The following MYO7B variants were observed in gnomAD, a reference collection of about 807,000 sequenced individuals.
MYO7B encodes myosin VIIB.
Under a neutral mutation model 259.7 loss-of-function variants are expected in MYO7B, and 212 were observed. The ratio of observed to expected loss-of-function variants is 0.82; its 90% confidence interval spans 0.73 to 0.91. The LOEUF (loss-of-function observed/expected upper bound fraction) is 0.91. Ranked by LOEUF, MYO7B falls within the 40% of genes least tolerant of loss-of-function variation. The pLI, the probability that MYO7B is intolerant of heterozygous loss-of-function variation, is 0.00. For synonymous variants in MYO7B, 1,197 were observed against 1,166.4 expected (o/e 1.03, Z -0.54); for missense variants, 2,732 against 2,813.5 (o/e 0.97, Z 0.66).
Position 127,631,426 on chromosome 2 carries a change from C to T in MYO7B, c.5095+63C>T, listed in dbSNP as rs1681502019. ...GCCAGGGCAGAGGCACCCAGCACAT[C>T]CTGGCCCTACAGCTGTGCTCTAGGG... On this transcript the variant is annotated intron_variant, in intron 37 of 47. Coordinates refer to ENST00000409816, the MANE Select transcript of MYO7B (RefSeq NM_001393586.1). 8.3e-6 allele frequency: 13 copies of T among 1,568,626 alleles called. No individual in the cohort carries two copies. The South Asian group carries it at 1.4e-4, about 17-fold the overall frequency.
At position 127,631,640 on chromosome 2, in the gene MYO7B, C is replaced by T; in HGVS notation, c.5136C>T (p.Ala1712=). 6.2e-7 allele frequency: 1 copy of T among 1,613,140 alleles called. No homozygotes were observed. Among genetic ancestry groups the T allele is most frequent in the South Asian group, 1.1e-5 (1 of 91,090 alleles). ...RYMGDYPSRQ[A]WPTLELTDQI... ...TGGGCGACTACCCTTCTCGGCAGGCCTGGCCCACCCTGGAGCTCACCGACC... is the reference window on the plus strand; with the variant it reads ...TGGGCGACTACCCTTCTCGGCAGGCTTGGCCCACCCTGGAGCTCACCGACC... The change falls in exon 38 of 48, where the codon GCC becomes GCT. Residue 1712 remains alanine (A), a synonymous_variant. Coordinates refer to ENST00000409816, the MANE Select transcript of MYO7B (RefSeq NM_001393586.1).
intron 43 of MYO7B, 134 bp downstream of exon 43, chr2:127,635,360 C>A: frequency 2.4e-6 from 2 of 845,076 alleles, no homozygotes; most frequent in Non-Finnish European, 3.7e-6. Context: ...GTAGGCAGAC[C>A]AAGCCCCTGA....
chr2:127,580,551 C>A (rs1003773706), intron 9 of MYO7B, among the ~76,000 whole-genome samples, 195 bp from the exon 10 acceptor site: 1 of 152,222 alleles, frequency 6.6e-6, no homozygotes, highest in African/African-American at 2.4e-5. Context: ...TCATCAACAG[C>A]TAAGGTGTGA....
intron 3 of MYO7B, among the ~76,000 whole-genome samples, 186 bp downstream of exon 3, chr2:127,564,452 G>A (rs1056443520): frequency 9.2e-5 from 14 of 152,314 alleles, no homozygotes; most frequent in African/African-American, 1.7e-4. Flanking sequence ...CCTGGGGAAC[G>A]TTTCAAGAAG....
In MYO7B at chr2:127,612,473, A is replaced by G. The variant is rs1209184325; in HGVS notation, c.3271-3A>G. The stretch of plus-strand genomic sequence containing the variant: ...GTCCTGATGGCTGCCTTTGGGTTTC[A>G]AGGTGGCCAGCCAGCTGAACATTGG... On this transcript the variant is annotated splice_polypyrimidine_tract_variant and splice_region_variant and intron_variant, in intron 25 of 47. Transcript: ENST00000409816. The G allele has an allele frequency of 6.4e-7, 1 of 1,552,662 alleles. No individual in the cohort carries two copies. Among genetic ancestry groups the G allele is most frequent in the East Asian group, 2.4e-5 (1 of 40,960 alleles).
rs778030268 is a variant in MYO7B, at chr2:127,635,770, G to A, written c.5869G>A (p.Ala1957Thr). Residue 1957 changes from alanine (A) to threonine (T), a missense_variant, in exon 44 of 48, where the codon GCC becomes ACC. By Grantham distance (58) the Ala-to-Thr change is moderately conservative. This residue lies in a region of MYO7B where 821 missense variants were observed against 769.3 expected (regional missense o/e 1.07). Coordinates refer to ENST00000409816, the MANE Select transcript of MYO7B (RefSeq NM_001393586.1). ...RGFHKCSRED[A>T]IHLAGLIYKA... ...ATTCCACAAGTGTTCGCGGGAGGAT[G>A]CCATCCACCTGGCGGGCCTCATCTA... 7 of 1,601,618 alleles carry A rather than the reference G, an allele frequency of 4.4e-6. No individual in the cohort carries two copies. The highest frequency in any genetic ancestry group is 4.0e-5 in the African/African-American group (3 of 74,616).
chr2:127,588,841 G>T (rs1454135771), intron 15 of MYO7B, among the ~76,000 whole-genome samples: 5 of 150,332 alleles, frequency 3.3e-5, no homozygotes, highest in Admixed American at 3.3e-4. Context: ...ATGGGTGGAT[G>T]GGTGTGTGAG....
Position 127,636,404 on chromosome 2 carries a change from G to C in MYO7B, c.6123+80G>C. On this transcript the variant is annotated intron_variant, in intron 45 of 47. Transcript: ENST00000409816. This position sits in a 1 kb window ranked among gnomAD's most constrained non-coding sequence, Gnocchi z 4.5. Reference sequence around the variant, plus strand: ...GCCCCAGCAGGCCCAGCGTCAACCAGCACACATCTTGGGTGGGGCTGGCCG... The same window carrying C: ...GCCCCAGCAGGCCCAGCGTCAACCACCACACATCTTGGGTGGGGCTGGCCG... The C allele has an allele frequency of 2.0e-6, 3 of 1,474,088 alleles. No homozygotes were observed. Among genetic ancestry groups the C allele is most frequent in the Non-Finnish European group, 2.8e-6 (3 of 1,059,550 alleles). 91.3% of individuals were successfully genotyped at this position (1,474,088 alleles called of 1,614,324 possible).
intron 2 of MYO7B, 150 bp from the exon 3 acceptor site, chr2:127,564,002 AT>A (rs1678213920): frequency 5.3e-6 from 3 of 567,872 alleles, no homozygotes; most frequent in Non-Finnish European, 6.3e-6. Context: ...AGAAAGAGAG[AT>A]GGGAGAGGGG....
At chr2:127,545,427 C>T (rs981393841) in intron 1 of MYO7B, among the ~76,000 whole-genome samples, 1 of 152,172 alleles carries the variant, frequency 6.6e-6, no homozygotes, top group Non-Finnish European at 1.5e-5. Flanking sequence ...GGTGAGCAGC[C>T]GCATGCTGGG....
intron 26 of MYO7B, among the ~76,000 whole-genome samples, chr2:127,618,043 C>CTCTCTATTTG (rs1301877625): frequency 3.9e-5 from 6 of 151,976 alleles, no homozygotes; most frequent in Middle Eastern, 3.4e-3. Flanking sequence ...TTCCCTAGCT[C>CTCTCTATTTG]TCTCTATTTG....
chr2:127,540,585 C>T (rs1371725000), intron 1 of MYO7B, among the ~76,000 whole-genome samples: 5 of 152,208 alleles, frequency 3.3e-5, no homozygotes, highest in Non-Finnish European at 7.3e-5. Context: ...TACATTCCCA[C>T]CAGCGGTGAA....
chr2:127,540,493 C>T (rs1692963323), intron 1 of MYO7B, among the ~76,000 whole-genome samples: 1 of 152,172 alleles, frequency 6.6e-6, no homozygotes, highest in Admixed American at 6.5e-5. Flanking sequence ...AATGACTTAT[C>T]TTATTGCTGG....
At position 127,610,069 on chromosome 2, in the gene MYO7B, C is replaced by T. The variant is rs1322060637; in HGVS notation, c.3192+53C>T. On this transcript the variant is annotated intron_variant, in intron 24 of 47. Transcript: ENST00000409816. Reference sequence around the variant, plus strand: ...GAGGGCGACACCTACCAGGTGCCTACCAGGGCCCAGTCCCTGGGGCAGCTG... The same window carrying T: ...GAGGGCGACACCTACCAGGTGCCTATCAGGGCCCAGTCCCTGGGGCAGCTG... The T allele has an allele frequency of 6.9e-6, 11 of 1,583,856 alleles. No homozygotes were observed. The Admixed American group carries it at 1.0e-4, about 15-fold the overall frequency.
intron 19 of MYO7B, among the ~76,000 whole-genome samples, chr2:127,599,934 T>C (rs1300419227): frequency 6.6e-6 from 1 of 152,238 alleles, no homozygotes; most frequent in Non-Finnish European, 1.5e-5. Context: ...TAAGGATTTT[T>C]GCGTCTATAT....
At position 127,622,008 on chromosome 2, in the gene MYO7B, G is replaced by A; in HGVS notation, c.3552G>A (p.Gly1184=). ...ATCTACTGAACTTCATCGGCCAAGGGCCGGCGACCTACGGCCCCTTCTGTG... is the reference window on the plus strand; with the variant it reads ...ATCTACTGAACTTCATCGGCCAAGGACCGGCGACCTACGGCCCCTTCTGTG... ...MKYLLNFIGQ[G]PATYGPFCAE... Residue 1184 remains glycine, a synonymous_variant, in exon 28 of 48, where the codon GGG becomes GGA. Coordinates refer to ENST00000409816, the MANE Select transcript of MYO7B (RefSeq NM_001393586.1). The A allele has an allele frequency of 2.6e-6, 4 of 1,551,796 alleles. No individual in the cohort carries two copies. Among genetic ancestry groups the A allele is most frequent in the Admixed American group, 2.0e-5 (1 of 51,016 alleles).
At chr2:127,561,729 G>A (rs115273313) in intron 2 of MYO7B, among the ~76,000 whole-genome samples, 2,718 of 152,242 alleles carry the variant, frequency 0.018, 84 homozygotes, top group African/African-American at 0.062. Flanking sequence ...TCCCAAGGCC[G>A]TATAACTCCT....
chr2:127,569,689 A>T lies in MYO7B; in HGVS notation c.471-100A>T, dbSNP rs369148703. On this transcript the variant is annotated intron_variant, in intron 5 of 47. Coordinates refer to ENST00000409816, the MANE Select transcript of MYO7B (RefSeq NM_001393586.1). ...GCAGGGGAGAGGCCATCCCTGTCAG[A>T]CTGGCTCAGAAAGCAGGACTGGGGT... The T allele has an allele frequency of 1.2e-4, 175 of 1,438,696 alleles. 2 individuals carry two copies. In the East Asian group the frequency reaches 3.6e-3, roughly 29 times the overall value. The allele number at this position is 1,438,696 out of a possible 1,614,324, so 89.1% of individuals were successfully genotyped here.
At chr2:127,548,563 G>A (rs146457701) in intron 1 of MYO7B, among the ~76,000 whole-genome samples, 1,548 of 151,786 alleles carry the variant, frequency 0.01, 32 homozygotes, top group African/African-American at 0.036. Flanking sequence ...TTACAGGTGC[G>A]TGCCACCAAG....
Sources: allele counts gnomAD v4.1 joint callset (sites outside exome capture counted in the v4.1 genomes callset), GRCh38; gene constraint gnomAD v4.1.1; regional missense constraint gnomAD v4.1.1; non-coding constraint Gnocchi (gnomAD v3.1); transcripts MANE v1.5; gene names NCBI Gene and HGNC (gene_info 2026-07-23, HGNC 2026-07-21).